KIF16B: variants seen among roughly 807,000 people sequenced by gnomAD.
KIF16B encodes the protein kinesin-like protein KIF16B.
A neutral mutation model predicts 156.3 loss-of-function variants in KIF16B; 98 were observed. That is an observed-to-expected ratio of 0.63 (90% CI 0.53 to 0.74). The LOEUF is 0.74. KIF16B is among the 30% of genes least tolerant of loss of function. The pLI is 0.00. For missense variants in KIF16B, 1,421 were observed against 1,606.5 expected (o/e 0.88, Z 1.97); for synonymous variants, 564 against 583.7 (o/e 0.97, Z 0.49).
At chr20:16,529,483 C>T (rs1346072615) in intron 1 of KIF16B, among the ~76,000 whole-genome samples, 1 of 152,120 alleles carries the variant, frequency 6.6e-6, no homozygotes, top group African/African-American at 2.4e-5. Flanking sequence ...ACAAAGAAAT[C>T]TTAAAGCATT....
chr20:16,358,142 T>C (rs893515817), intron 22 of KIF16B, among the ~76,000 whole-genome samples: 1 of 151,938 alleles, frequency 6.6e-6, no homozygotes, highest in Non-Finnish European at 1.5e-5. Context: ...TGAGCTGAGA[T>C]CACGCCACTG....
chr20:16,545,291 G>A (rs1018923632), intron 1 of KIF16B, among the ~76,000 whole-genome samples: 5 of 152,204 alleles, frequency 3.3e-5, no homozygotes, highest in Admixed American at 1.3e-4. Flanking sequence ...AGTACTTTGG[G>A]AAGCTGAGAC....
chr20:16,390,218 C>T (rs2065331860), intron 17 of KIF16B, among the ~76,000 whole-genome samples: 1 of 152,118 alleles, frequency 6.6e-6, no homozygotes, highest in South Asian at 2.1e-4. Flanking sequence ...TTCCAAGGAG[C>T]CAGTCTTAAG....
At chr20:16,281,637 C>G (rs907735537) in intron 25 of KIF16B, among the ~76,000 whole-genome samples, 4 of 152,154 alleles carry the variant, frequency 2.6e-5, no homozygotes, top group Non-Finnish European at 2.9e-5. Flanking sequence ...AACATGCTCC[C>G]AAATGTGCTC....
chr20:16,453,206 G>A (rs933964420), intron 12 of KIF16B, among the ~76,000 whole-genome samples: 3 of 151,912 alleles, frequency 2.0e-5, no homozygotes, highest in Non-Finnish European at 4.4e-5. Flanking sequence ...GGAGCTCAAG[G>A]CTGCAGTGAG....
intron 24 of KIF16B, among the ~76,000 whole-genome samples, chr20:16,327,495 C>T (rs1428845505): frequency 6.6e-6 from 1 of 152,018 alleles, no homozygotes; most frequent in Non-Finnish European, 1.5e-5. Flanking sequence ...CAAAAGAGGA[C>T]AGCCAATGTC....
intron 3 of KIF16B, among the ~76,000 whole-genome samples, chr20:16,516,589 AG>A (rs1183997084): frequency 2.0e-5 from 3 of 152,178 alleles, no homozygotes; most frequent in African/African-American, 7.2e-5. Flanking sequence ...CTCCAGATGA[AG>A]GGCTCCTCTG....
chr20:16,342,610 G>A (rs1257886167), intron 23 of KIF16B, among the ~76,000 whole-genome samples: 1 of 152,130 alleles, frequency 6.6e-6, no homozygotes, highest in African/African-American at 2.4e-5. Context: ...AGAATATGGT[G>A]CACTCTCAAT....
At chr20:16,474,092 GA>G (rs2067739551) in intron 12 of KIF16B, among the ~76,000 whole-genome samples, 1 of 152,158 alleles carries the variant, frequency 6.6e-6, no homozygotes, top group South Asian at 2.1e-4. Flanking sequence ...CAGGCCATCA[GA>G]AAGTCCTTCT....
At chr20:16,512,546 C>A (rs1460727719) in intron 5 of KIF16B, among the ~76,000 whole-genome samples, 1 of 152,200 alleles carries the variant, frequency 6.6e-6, no homozygotes, top group Non-Finnish European at 1.5e-5. Context: ...ACTTAAAAGT[C>A]AGAAGCTCAC....
rs764885348 is a variant in KIF16B, at chr20:16,506,232, G to A, written c.700-42C>T. ...AAGTAAAATTGAAGAGGTGCAAAGG[G>A]CCCTGATGTTGTTGATGATATGAAT... On this transcript the variant is annotated intron_variant, in intron 7 of 25. Transcript: ENST00000354981. The A allele has an allele frequency of 4.0e-6, 6 of 1,513,072 alleles. No individual in the cohort carries two copies. The Admixed American group carries it at 1.0e-4, about 25-fold the overall frequency. 93.7% of individuals were successfully genotyped at this position (1,513,072 alleles called of 1,614,324 possible).
chr20:16,435,261 GACA>G (rs1239207406), intron 12 of KIF16B, among the ~76,000 whole-genome samples: 2 of 152,200 alleles, frequency 1.3e-5, no homozygotes, highest in Admixed American at 1.3e-4. Flanking sequence ...GCATCTGAAT[GACA>G]TCATAGCTGT....
At chr20:16,446,178 G>T (rs2066926560) in intron 12 of KIF16B, among the ~76,000 whole-genome samples, 1 of 152,154 alleles carries the variant, frequency 6.6e-6, no homozygotes, top group Non-Finnish European at 1.5e-5. Context: ...CTTAAACCAT[G>T]AGAAAACAAT....
intron 1 of KIF16B, among the ~76,000 whole-genome samples, chr20:16,570,135 T>C (rs1282940040): frequency 6.6e-6 from 1 of 152,242 alleles, no homozygotes; most frequent in Non-Finnish European, 1.5e-5. Flanking sequence ...TGATTTACGC[T>C]ATAACTTAAC....
chr20:16,367,172 G>C, intron 22 of KIF16B: 5 of 1,605,900 alleles, frequency 3.1e-6, no homozygotes, highest in Non-Finnish European at 4.3e-6. Context: ...TGTGAGATTA[G>C]CCAAAGAGCC....
chr20:16,541,185 C>T (rs938773149), intron 1 of KIF16B, among the ~76,000 whole-genome samples: 1 of 152,236 alleles, frequency 6.6e-6, no homozygotes, highest in Non-Finnish European at 1.5e-5. Flanking sequence ...ACTCCAACCA[C>T]TCCTCGCTGT....
At chr20:16,383,429 AT>A (rs2065153312) in intron 17 of KIF16B, among the ~76,000 whole-genome samples, 1 of 152,194 alleles carries the variant, frequency 6.6e-6, no homozygotes, top group African/African-American at 2.4e-5. Context: ...AGTATTAAAT[AT>A]TTCATTGAAA....
Position 16,511,432 on chromosome 20 carries a change from C to T in KIF16B, c.542G>A (p.Gly181Asp). The T allele has an allele frequency of 6.3e-7, 1 of 1,593,090 alleles. No individual in the cohort carries two copies. The highest frequency in any genetic ancestry group is 8.6e-7 in the Non-Finnish European group (1 of 1,164,218). Residue 181 changes from glycine to aspartate, a missense_variant, in exon 6 of 26, where the codon GGC (glycine) becomes GAC (aspartate). Gly to Asp is a moderately conservative substitution (Grantham distance 94). Transcript: ENST00000354981. ...TCTACTCTTACCCTCAACATAAGGG[C>T]CTTCTTTGGGATGCTCACGGACTCT... The part of the protein sequence containing the change: ...NLRVREHPKE[G>D]PYVEDLSKHL...
rs1048408939 is a variant in KIF16B at position 16,370,702 on chromosome 20, C to T, written c.3448-66G>A. 8 of 1,142,350 alleles carry T rather than the reference C, an allele frequency of 7.0e-6. No individual in the cohort carries two copies. In the Admixed American group the frequency reaches 7.8e-5, roughly 11 times the overall value. The allele number at this position is 1,142,350 out of a possible 1,614,324, so 70.8% of individuals were successfully genotyped here. On this transcript the variant is annotated intron_variant, in intron 21 of 25. Coordinates refer to ENST00000354981, the MANE Select transcript of KIF16B (RefSeq NM_024704.5). ...AAGTTCACGGGGCGGGGGACTGATTCGATTACAAGTATTTATGGGAATGGA... is the reference window on the plus strand; with the variant it reads ...AAGTTCACGGGGCGGGGGACTGATTTGATTACAAGTATTTATGGGAATGGA...
Sources: gnomAD v4.1 joint callset for allele counts (sites outside exome capture counted in the v4.1 genomes callset) on GRCh38, gnomAD v4.1.1 for gene constraint, MANE v1.5 for transcripts, NCBI Gene and HGNC (gene_info 2026-07-23, HGNC 2026-07-21) for gene names.